The following NSL1 variants were observed in gnomAD, a reference collection of about 807,000 sequenced individuals.
NSL1 encodes kinetochore-associated protein NSL1 homolog.
In NSL1, 11 loss-of-function variants were observed where a neutral mutation model predicts 25.4. The observed-to-expected ratio is 0.43, with a 90% CI of 0.27 to 0.72. The LOEUF is 0.72. NSL1 is among the 30% of genes least tolerant of loss of function. NSL1 has a pLI of 0.19. For missense variants in NSL1, 330 were observed against 342.7 expected (o/e 0.96, Z 0.29); for synonymous variants, 118 against 120.6 (o/e 0.98, Z 0.14).
At chr1:212,785,217 GAA>G (rs1660893160) in intron 2 of NSL1, among the ~76,000 whole-genome samples, 1 of 152,160 alleles carries the variant, frequency 6.6e-6, no homozygotes. Flanking sequence ...AGGAAAAACT[GAA>G]AGATACAGTG....
rs1658284530 is a variant in NSL1, at chr1:212,737,599, A to G, written c.*809T>C. 2.5e-5 allele frequency: 24 copies of G among 961,048 alleles called. No individual in the cohort carries two copies. The highest frequency in any genetic ancestry group is 2.8e-5 in the Non-Finnish European group (23 of 807,706). 59.5% of individuals were successfully genotyped at this position (961,048 alleles called of 1,614,324 possible). ...ACATCTTCAAATGTGAAATAGTTCA[A>G]TAACACAATGACACTTTGCCAGTGT... On this transcript the variant is annotated 3_prime_UTR_variant, in exon 6 of 6. Transcript: ENST00000366977.
At chr1:212,761,782 TATC>T in intron 4 of NSL1, among the ~76,000 whole-genome samples, 1 of 151,768 alleles carries the variant, frequency 6.6e-6, no homozygotes, top group East Asian at 1.9e-4. Context: ...AACAAAGAGA[TATC>T]ATTTTAAAAA....
At chr1:212,779,782 G>C (rs1660618899) in intron 4 of NSL1, among the ~76,000 whole-genome samples, 1 of 126,690 alleles carries the variant, frequency 7.9e-6, no homozygotes, top group Non-Finnish European at 1.7e-5. Context: ...GGAGGGAGGT[G>C]GGGGGGTCAG....
At chr1:212,743,146 A>C (rs1377077560) in intron 4 of NSL1, among the ~76,000 whole-genome samples, 1 of 152,162 alleles carries the variant, frequency 6.6e-6, no homozygotes, top group Non-Finnish European at 1.5e-5. Context: ...CTAGCTGCAA[A>C]GATTTTTGTT....
At chr1:212,789,953 A>T (rs1257451529) in intron 1 of NSL1, among the ~76,000 whole-genome samples, 1 of 152,176 alleles carries the variant, frequency 6.6e-6, no homozygotes, top group African/African-American at 2.4e-5. Flanking sequence ...ATGACGTAAG[A>T]GTCACTATAT....
chr1:212,751,266 A>G (rs1225406924), intron 4 of NSL1, among the ~76,000 whole-genome samples: 1 of 152,202 alleles, frequency 6.6e-6, no homozygotes, highest in Non-Finnish European at 1.5e-5. Context: ...GCCCATTCCT[A>G]TAGTAGTATG....
At chr1:212,771,778 A>G (rs1393437930) in intron 4 of NSL1, among the ~76,000 whole-genome samples, 1 of 152,168 alleles carries the variant, frequency 6.6e-6, no homozygotes, top group Non-Finnish European at 1.5e-5. Context: ...AAAAAAATAA[A>G]ATATCTGGAA....
chr1:212,781,580 G>A (rs1183437846), intron 4 of NSL1, among the ~76,000 whole-genome samples: 5 of 152,158 alleles, frequency 3.3e-5, no homozygotes, highest in Admixed American at 2.0e-4. Context: ...GATATTTGGG[G>A]AAGGTGGAGG....
chr1:212,772,546 G>A (rs1167990430), intron 4 of NSL1, among the ~76,000 whole-genome samples: 1 of 151,914 alleles, frequency 6.6e-6, no homozygotes, highest in Non-Finnish European at 1.5e-5. Context: ...GTGTGGTAGT[G>A]TGCACCTGTA....
At chr1:212,777,386 A>C (rs965347165) in intron 4 of NSL1, among the ~76,000 whole-genome samples, 2 of 152,168 alleles carry the variant, frequency 1.3e-5, no homozygotes, top group East Asian at 1.9e-4. Flanking sequence ...AAAAAAAGGA[A>C]CCTAGAACAA....
intron 4 of NSL1, among the ~76,000 whole-genome samples, chr1:212,769,422 C>T (rs1002361118): frequency 6.6e-6 from 1 of 152,126 alleles, no homozygotes; most frequent in Non-Finnish European, 1.5e-5. Context: ...GTGTATCTCT[C>T]AGCAGGATCA....
At chr1:212,782,533 AG>A in intron 3 of NSL1, 107 bp from the exon 4 acceptor site, 2 of 848,626 alleles carry the variant, frequency 2.4e-6, no homozygotes, top group Non-Finnish European at 3.9e-6. Flanking sequence ...CATTCTTTTG[AG>A]GAAAAAAAAT....
intron 4 of NSL1, among the ~76,000 whole-genome samples, chr1:212,779,903 A>C (rs4520475): frequency 0.62 from 67,464 of 109,026 alleles, 20,757 homozygotes; most frequent in Non-Finnish European, 0.67. Flanking sequence ...CCCCGCCCGA[A>C]CAGCCACCCA....
At chr1:212,758,284 A>G (rs1389760825) in intron 4 of NSL1, among the ~76,000 whole-genome samples, 1 of 152,234 alleles carries the variant, frequency 6.6e-6, no homozygotes. Flanking sequence ...AATATCTATA[A>G]AGGAATGGTA....
In NSL1 at chr1:212,731,173, T is replaced by C; in HGVS notation, c.*7235A>G. The C allele has an allele frequency of 1.0e-6, 1 of 958,030 alleles. No individual in the cohort carries two copies. Among genetic ancestry groups the C allele is most frequent in the Non-Finnish European group, 1.2e-6 (1 of 818,836 alleles). 59.3% of individuals were successfully genotyped at this position (958,030 alleles called of 1,614,324 possible). On this transcript the variant is annotated 3_prime_UTR_variant, in exon 6 of 6. Coordinates refer to ENST00000366977, the MANE Select transcript of NSL1 (RefSeq NM_015471.4). ...TAATATAATCTATTTGCAAAACAAATGGTCAGAGGGGAGAAAAAAAAAAAA... is the reference window on the plus strand; with the variant it reads ...TAATATAATCTATTTGCAAAACAAACGGTCAGAGGGGAGAAAAAAAAAAAA...
At position 212,737,479 on chromosome 1, in the gene NSL1, C is replaced by T. The variant is rs1313186990; in HGVS notation, c.*929G>A. On this transcript the variant is annotated 3_prime_UTR_variant, in exon 6 of 6. Coordinates refer to ENST00000366977, the MANE Select transcript of NSL1 (RefSeq NM_015471.4). ...CCTACACTGTATAATGTAAGACACA[C>T]AATAAGAGCTATAAGAAACTATAGT... 4.1e-6 allele frequency: 4 copies of T among 984,520 alleles called. No homozygotes were observed. Among genetic ancestry groups the T allele is most frequent in the Non-Finnish European group, 4.8e-6 (4 of 829,268 alleles). The allele number at this position is 984,520 out of a possible 1,614,324, so 61.0% of individuals were successfully genotyped here. A position where few individuals can be genotyped will look rare whatever the true frequency, so the allele number is the denominator to read the frequency against.
chr1:212,735,235 A>G lies in NSL1; in HGVS notation c.*3173T>C, dbSNP rs1383653949. Reference sequence around the variant, plus strand: ...ACTTGTCCAATATCATTGAACTAATAATGGTAGAACTGAAATCTGAACTCA... The same window carrying G: ...ACTTGTCCAATATCATTGAACTAATGATGGTAGAACTGAAATCTGAACTCA... On this transcript the variant is annotated 3_prime_UTR_variant, in exon 6 of 6. Coordinates refer to ENST00000366977, the MANE Select transcript of NSL1 (RefSeq NM_015471.4). 1 of 833,774 alleles carries G rather than the reference A, an allele frequency of 1.2e-6. No homozygotes were observed. Among genetic ancestry groups the G allele is most frequent in the East Asian group, 1.2e-4 (1 of 8,140 alleles). 51.6% of individuals were successfully genotyped at this position (833,774 alleles called of 1,614,324 possible). A position where few individuals can be genotyped will look rare whatever the true frequency, so the allele number is the denominator to read the frequency against.
chr1:212,770,061 A>G (rs1660030725), intron 4 of NSL1, among the ~76,000 whole-genome samples: 1 of 152,186 alleles, frequency 6.6e-6, no homozygotes, highest in Admixed American at 6.6e-5. Context: ...CTTAGATCAA[A>G]GAGATTTTAA....
chr1:212,743,593 T>C (rs1658610212), intron 4 of NSL1, among the ~76,000 whole-genome samples: 1 of 152,008 alleles, frequency 6.6e-6, no homozygotes, highest in African/African-American at 2.4e-5. Context: ...TCTTTAAATA[T>C]AATCACCCTA....
Sources: allele counts gnomAD v4.1 joint callset (sites outside exome capture counted in the v4.1 genomes callset), GRCh38; gene constraint gnomAD v4.1.1; transcripts MANE v1.5; gene names NCBI Gene and HGNC (gene_info 2026-07-23, HGNC 2026-07-21).